Variants in ZPBP observed in about 807,000 individuals in gnomAD.
The protein encoded by ZPBP is zona pellucida-binding protein 1.
ZPBP carries 26 observed loss-of-function variants against 44.8 expected under a neutral mutation model. The ratio of observed to expected loss-of-function variants is 0.58; its 90% CI spans 0.43 to 0.81. The LOEUF is 0.81. Among genes scored for constraint, ZPBP ranks in the 30% least tolerant of loss-of-function variants. The pLI, the probability that ZPBP is intolerant of heterozygous loss-of-function variation, is 0.00. For missense variants in ZPBP, 409 were observed against 434.0 expected, an observed-to-expected ratio of 0.94 and a Z score of 0.51; for synonymous variants, 174 against 153.2, an observed-to-expected ratio of 1.14 and a Z score of -1.00.
At chr7:49,932,842 C>T (rs1794492897), downstream of ZPBP, among the ~76,000 whole-genome samples, 1 of 152,130 alleles carries the variant, frequency 6.6e-6, no homozygotes, top group African/African-American at 2.4e-5. Context: ...CCATACTGTT[C>T]TCCTGGTAGT....
intron 7 of ZPBP, among the ~76,000 whole-genome samples, chr7:49,980,073 TA>T (rs1796745263): frequency 7.4e-5 from 1 of 13,590 alleles, no homozygotes; most frequent in Non-Finnish European, 1.4e-4. Flanking sequence ...TATATTATAA[TA>T]TATATAATAT....
At chr7:50,086,355 C>T (rs1056440202) in intron 2 of ZPBP, among the ~76,000 whole-genome samples, 36 of 151,918 alleles carry the variant, frequency 2.4e-4, no homozygotes, top group African/African-American at 7.3e-4. Context: ...AGGTAGCCCA[C>T]TGAAACAGAC....
intron 7 of ZPBP, among the ~76,000 whole-genome samples, chr7:49,982,518 A>C (rs1797074006): frequency 6.6e-6 from 1 of 150,522 alleles, no homozygotes; most frequent in African/African-American, 2.4e-5. Flanking sequence ...AACACAAAAA[A>C]ATTATAAAGA....
At chr7:50,026,270 CT>C (rs11314419) in intron 5 of ZPBP, among the ~76,000 whole-genome samples, 75,894 of 151,540 alleles carry the variant, frequency 0.5, 19,687 homozygotes, top group East Asian at 0.67. Context: ...ATATAGGCCT[CT>C]AACAACAGAG....
At chr7:49,907,459 A>AT (rs1444672474) in intron 1 of ZPBP, among the ~76,000 whole-genome samples, 1 of 152,202 alleles carries the variant, frequency 6.6e-6, no homozygotes, top group Non-Finnish European at 1.5e-5. Context: ...TAACAGTAGG[A>AT]TAAAAATAGG....
intron 7 of ZPBP, among the ~76,000 whole-genome samples, chr7:49,968,850 A>G (rs1193113355): frequency 6.6e-6 from 1 of 152,032 alleles, no homozygotes; most frequent in Non-Finnish European, 1.5e-5. Context: ...ACTCTAGTTA[A>G]TAGCATACTA....
intron 3 of ZPBP, among the ~76,000 whole-genome samples, chr7:50,068,004 A>G (rs1360321682): frequency 2.6e-5 from 4 of 152,330 alleles, no homozygotes; most frequent in Admixed American, 1.3e-4. Context: ...TTGTGGACAT[A>G]CAAGAAGAAA....
chr7:49,875,278 G>T (rs997740163), intron 2 of ZPBP, among the ~76,000 whole-genome samples: 1 of 139,310 alleles, frequency 7.2e-6, no homozygotes, highest in Non-Finnish European at 1.5e-5. Context: ...GCTGAGGCAG[G>T]AGAATCGCCT....
chr7:50,035,045 T>C (rs1009332640), intron 4 of ZPBP, among the ~76,000 whole-genome samples: 1 of 152,200 alleles, frequency 6.6e-6, no homozygotes, highest in Non-Finnish European at 1.5e-5. Flanking sequence ...TGCTAATCTG[T>C]CCAGAGAAAG....
At chr7:50,074,788 A>AAG (rs946467620) in intron 3 of ZPBP, among the ~76,000 whole-genome samples, 3 of 151,798 alleles carry the variant, frequency 2.0e-5, no homozygotes, top group African/African-American at 7.2e-5. Flanking sequence ...ATTAGAGCTA[A>AAG]AGAGAGAGAG....
intron 2 of ZPBP, among the ~76,000 whole-genome samples, chr7:49,883,324 G>A (rs994552800): frequency 5.9e-5 from 9 of 151,986 alleles, no homozygotes; most frequent in Non-Finnish European, 1.3e-4. Context: ...TTAGCAAGCT[G>A]CAATATTGAC....
At chr7:49,956,474 C>T (rs1020045374) in intron 7 of ZPBP, among the ~76,000 whole-genome samples, 1 of 151,998 alleles carries the variant, frequency 6.6e-6, no homozygotes, top group Non-Finnish European at 1.5e-5. Flanking sequence ...CGAACAAAAA[C>T]TATTATGTTT....
chr7:49,970,203 T>C (rs1796242081), intron 7 of ZPBP, among the ~76,000 whole-genome samples: 1 of 152,106 alleles, frequency 6.6e-6, no homozygotes, highest in Admixed American at 6.6e-5. Flanking sequence ...ATGATCTCAA[T>C]AGATGTACAG....
At chr7:49,981,329 T>C (rs1238350905) in intron 7 of ZPBP, among the ~76,000 whole-genome samples, 1 of 41,008 alleles carries the variant, frequency 2.4e-5, no homozygotes, top group Non-Finnish European at 6.0e-5. Flanking sequence ...TAATATATAT[T>C]ATAATTATAT....
At chr7:49,904,047 T>C (rs1295865467) in intron 1 of ZPBP, among the ~76,000 whole-genome samples, 2 of 152,140 alleles carry the variant, frequency 1.3e-5, no homozygotes, top group African/African-American at 4.8e-5. Context: ...CCCTTGGTGG[T>C]TGCCATCTTA....
intron 3 of ZPBP, among the ~76,000 whole-genome samples, chr7:50,072,773 C>T (rs115856549): frequency 0.015 from 2,339 of 152,342 alleles, 48 homozygotes; most frequent in African/African-American, 0.053. Flanking sequence ...CAAAGCATTA[C>T]TGAGCTTGAG....
chr7:49,852,365 A>G (rs553037381), intron 2 of ZPBP, among the ~76,000 whole-genome samples: 31 of 152,338 alleles, frequency 2.0e-4, no homozygotes, highest in African/African-American at 7.5e-4. Flanking sequence ...CCTGGCAGGC[A>G]TGAGCTGGTG....
At chr7:49,993,225 T>C (rs1012293851) in intron 6 of ZPBP, among the ~76,000 whole-genome samples, 1 of 151,972 alleles carries the variant, frequency 6.6e-6, no homozygotes, top group Admixed American at 6.5e-5. Flanking sequence ...CATAAGAGAA[T>C]GCTGAAAATC....
chr7:49,906,355 GAC>G (rs1479151728), intron 1 of ZPBP, among the ~76,000 whole-genome samples: 4 of 151,686 alleles, frequency 2.6e-5, no homozygotes, highest in Non-Finnish European at 4.4e-5. Flanking sequence ...TTTTTTTTGA[GAC>G]AGAGTCTTGC....
Sources: allele counts gnomAD v4.1 joint callset (sites outside exome capture counted in the v4.1 genomes callset), GRCh38; gene constraint gnomAD v4.1.1; transcripts MANE v1.5; gene names NCBI Gene and HGNC (gene_info 2026-07-23, HGNC 2026-07-21).